The following MUTYH variants were observed in gnomAD, a reference collection of about 807,000 sequenced individuals.
MUTYH encodes the protein adenine DNA glycosylase.
A neutral mutation model predicts 72.9 loss-of-function variants in MUTYH; 64 were observed. The ratio of observed to expected loss-of-function variants is 0.88; its 90% confidence interval spans 0.72 to 1.08. The LOEUF is 1.08. Among genes scored for constraint, MUTYH ranks in the 50% least tolerant of loss-of-function variants. The probability of loss-of-function intolerance (pLI) is 0.00; values close to 1 mark genes in which losing one functional copy is unlikely to be tolerated. For synonymous variants in MUTYH, 234 were observed against 263.1 expected (o/e 0.89, Z 1.07); for missense variants, 633 against 671.0 (o/e 0.94, Z 0.63).
chr1:45,339,808 C>T (rs1646683354), intron 1 of MUTYH, 91 bp downstream of exon 1: 1 of 1,299,236 alleles, frequency 7.7e-7, no homozygotes, highest in Non-Finnish European at 1.0e-6. Flanking sequence ...CGACCCTCTC[C>T]TAGTCTAACT....
In MUTYH at chr1:45,334,475, C is replaced by G; in HGVS notation, c.31G>C (p.Gly11Arg). ...TGGCTGGCTGCCTGCTTCCTGTGAC[C>G]ACTTCCCACGGCTGCTCGTGGCTTC... MRKPRAAVGSGHRKQAASQEG... is the reference protein window; with the variant it reads MRKPRAAVGSRHRKQAASQEG... Residue 11 changes from glycine to arginine, a missense_variant, in exon 2 of 16, where the codon GGT (glycine) becomes CGT (arginine). Physicochemically the swap from Gly to Arg is moderately radical, Grantham distance 125. Coordinates refer to ENST00000456914, the MANE Select transcript of MUTYH (RefSeq NM_001048174.2). 6.2e-7 allele frequency: 1 copy of G among 1,614,128 alleles called. No homozygotes were observed. Among genetic ancestry groups the G allele is most frequent in the Non-Finnish European group, 8.5e-7 (1 of 1,180,014 alleles).
rs534010336 is a variant in MUTYH at position 45,333,327 on chromosome 1, G to C, written c.265-3C>G. On this transcript the variant is annotated splice_polypyrimidine_tract_variant and splice_region_variant and intron_variant, in intron 3 of 15. Coordinates refer to ENST00000456914, the MANE Select transcript of MUTYH (RefSeq NM_001048174.2). ...TCCAGGTCCATCTCATCTTCTGCCT[G>C]TCAATGCAACCCCAGATGAGGAGTT... is the stretch of plus-strand genomic sequence containing the variant. The C allele has an allele frequency of 1.2e-6, 2 of 1,614,258 alleles. No individual in the cohort carries two copies. Among genetic ancestry groups the C allele is most frequent in the East Asian group, 2.2e-5 (1 of 44,892 alleles).
intron 15 of MUTYH, 92 bp from the exon 16 acceptor site, chr1:45,329,529 C>T (rs1644412856): frequency 2.6e-6 from 4 of 1,519,504 alleles, no homozygotes; most frequent in Non-Finnish European, 3.6e-6. Context: ...CCCGACTCTA[C>T]TGATCTAGCT....
chr1:45,331,187 T>C lies in MUTYH; in HGVS notation c.1387A>G (p.Lys463Glu), dbSNP rs876660774. The C allele has an allele frequency of 6.2e-7, 1 of 1,614,246 alleles. No homozygotes were observed. The highest frequency in any genetic ancestry group is 8.5e-7 in the Non-Finnish European group (1 of 1,180,048). Residue 463 changes from lysine (K) to glutamate (E), a missense_variant, in exon 14 of 16, where the codon AAA becomes GAA. Transcript: ENST00000456914. ...AAAGACAACAAAGGTAGTGCCTTTT[T>C]CATGGCGGTGGAAACAGCTGCGGTG... ...FHTAAVSTAM[K>E]KVFRVYQGQQ...
upstream of MUTYH, chr1:45,340,286 G>GT: frequency 6.2e-7 from 1 of 1,613,440 alleles, no homozygotes; most frequent in Non-Finnish European, 8.5e-7. Context: ...CGCAGTTTCA[G>GT]CTCCCGCAGC....
chr1:45,329,416 A>G lies in MUTYH; in HGVS notation c.1456T>C (p.Ser486Pro). The change falls in exon 16 of 16, where the codon TCC becomes CCC. Residue 486 changes from serine to proline, a missense_variant. By Grantham distance (74) the Ser-to-Pro change is moderately conservative. Transcript: ENST00000456914. ...TCMGSKRSQVSSPCSRKKPRM... is the reference protein window; with the variant it reads ...TCMGSKRSQVPSPCSRKKPRM... Reference sequence around the variant, plus strand: ...GGCTTTTTCCGACTGCACGGAGAGGACACCTGGGACCTTTTGGAACCCTGT... The same window carrying G: ...GGCTTTTTCCGACTGCACGGAGAGGGCACCTGGGACCTTTTGGAACCCTGT... The G allele has an allele frequency of 1.2e-6, 2 of 1,614,034 alleles. No individual in the cohort carries two copies. The highest frequency in any genetic ancestry group is 2.2e-5 in the South Asian group (2 of 91,070).
In MUTYH at chr1:45,334,582, T is replaced by C. The variant is rs896722216; in HGVS notation, c.-6-71A>G. On this transcript the variant is annotated intron_variant, in intron 1 of 15. Transcript: ENST00000456914. ...AAATTTTGAGGCCTTCCAAGGGTGATAGCTATCTCCCTCTCATCCACCATT... is the reference window on the plus strand; with the variant it reads ...AAATTTTGAGGCCTTCCAAGGGTGACAGCTATCTCCCTCTCATCCACCATT... 3.7e-6 allele frequency: 6 copies of C among 1,600,770 alleles called. No individual in the cohort carries two copies. The South Asian group carries it at 4.4e-5, about 12-fold the overall frequency.
rs878854194 is a variant in MUTYH, at chr1:45,332,306, G to C, written c.709C>G (p.Leu237Val). Residue 237 changes from leucine to valine, a missense_variant, in exon 10 of 16, where the codon CTA (leucine) becomes GTA (valine). Leu to Val is a conservative substitution (Grantham distance 32, BLOSUM62 1). Coordinates refer to ENST00000456914, the MANE Select transcript of MUTYH (RefSeq NM_001048174.2). ...STLVSQQLWG[L>V]AQQLVDPARP... Reference sequence around the variant, plus strand: ...GCTGGGTCCACCAGCTGCTGGGCTAGACCCCTAAAAGAAGGGAACACTGCT... The same window carrying C: ...GCTGGGTCCACCAGCTGCTGGGCTACACCCCTAAAAGAAGGGAACACTGCT... 6.2e-7 allele frequency: 1 copy of C among 1,614,084 alleles called. No homozygotes were observed. The highest frequency in any genetic ancestry group is 2.2e-5 in the East Asian group (1 of 44,882).
intron 15 of MUTYH, chr1:45,330,170 T>C (rs559847870): frequency 2.1e-5 from 5 of 241,360 alleles, no homozygotes; most frequent in East Asian, 8.7e-5. Flanking sequence ...TTGTGGGAGA[T>C]TGCAGTGAGC....
chr1:45,333,685 T>G (rs1645413624), intron 2 of MUTYH, 124 bp from the exon 3 acceptor site: 9 of 1,412,048 alleles, frequency 6.4e-6, no homozygotes, highest in Non-Finnish European at 8.5e-6. Context: ...CCCCTTAAGC[T>G]TTGGAGCTGG....
intron 14 of MUTYH, 55 bp from the exon 15 acceptor site, chr1:45,330,612 C>G (rs905653570): frequency 3.2e-6 from 5 of 1,555,476 alleles, no homozygotes; most frequent in Non-Finnish European, 4.4e-6. Flanking sequence ...AGAGATAAAC[C>G]GGTGTTCTGC....
rs1234818144 is a variant in MUTYH at position 45,335,160 on chromosome 1, C to G, written c.-6-649G>C. Among the ~76,000 whole-genome samples the G allele has an allele frequency of 3.9e-5, 6 of 152,132 alleles. No individual in the cohort carries two copies. The South Asian group carries it at 6.2e-4, about 16-fold the overall frequency. On this transcript the variant is annotated intron_variant, in intron 1 of 15. Transcript: ENST00000456914. ...GTTATAATGGCCGCCTTTTCTCTAA[C>G]AGCTAAAATTAGTTGATATTTTGTG...
In MUTYH at chr1:45,338,752, TTTG is replaced by T. The variant is rs796208598; in HGVS notation, c.-7+1144_-7+1146del. Reference sequence around the variant, plus strand: ...AGAGTTTTTTTATTTTTGTTTTTTTTTTGTTTGTTTGTTTTGTTTTTAGAGACA... The same window carrying T: ...AGAGTTTTTTTATTTTTGTTTTTTTTTTTGTTTGTTTTGTTTTTAGAGACA... On this transcript the variant is annotated intron_variant, in intron 1 of 15. Transcript: ENST00000456914. 38 of 83,850 alleles carry T rather than the reference TTTG, an allele frequency of 4.5e-4. 1 individual carries two copies. The highest frequency in any genetic ancestry group is 4.5e-3 in the Middle Eastern group (1 of 224). The allele number at this position is 83,850 out of a possible 1,614,324, so 5.2% of individuals were successfully genotyped here.
In MUTYH at chr1:45,333,616, G is replaced by A. The variant is rs1316542179; in HGVS notation, c.116-55C>T. ...ATCCCTGCACAGGCTGTGCATCAGG[G>A]TCTTGGGACACAGCAGCCTGTGGCA... On this transcript the variant is annotated intron_variant, in intron 2 of 15. Transcript: ENST00000456914. 19 of 1,597,588 alleles carry A rather than the reference G, an allele frequency of 1.2e-5. No homozygotes were observed. The Middle Eastern group carries it at 6.1e-4, about 51-fold the overall frequency.
intron 1 of MUTYH, 117 bp downstream of exon 1, chr1:45,339,782 C>T (rs939297908): frequency 4.4e-5 from 53 of 1,214,238 alleles, no homozygotes; most frequent in African/African-American, 1.6e-5. Context: ...CCCAGAACGC[C>T]CTTCTTTCCC....
intron 14 of MUTYH, 40 bp downstream of exon 14, chr1:45,331,142 G>A (rs1236563579): frequency 2.5e-6 from 4 of 1,612,492 alleles, no homozygotes; most frequent in Non-Finnish European, 2.5e-6. Flanking sequence ...GAACATGTAG[G>A]AAACACAAGG....
At position 45,331,644 on chromosome 1, in the gene MUTYH, GC is replaced by G. The variant is rs1267865307; in HGVS notation, c.1102+16del. ...TGTTACTCATGCCACTGCCCTCCAC[GC>G]CCAGTATCCAGGTACCTGAGTTGGG... On this transcript the variant is annotated intron_variant, in intron 12 of 15. Transcript: ENST00000456914. The G allele has an allele frequency of 6.2e-7, 1 of 1,613,404 alleles. No homozygotes were observed. The highest frequency in any genetic ancestry group is 8.5e-7 in the Non-Finnish European group (1 of 1,180,030).
At chr1:45,338,343 C>T (rs910252391) in intron 1 of MUTYH, 24 of 507,280 alleles carry the variant, frequency 4.7e-5, no homozygotes, top group Admixed American at 2.1e-4. Flanking sequence ...TTAAACACCT[C>T]AAGTGTGTCT....
chr1:45,333,231 C>T, intron 4 of MUTYH, 54 bp downstream of exon 4: 1 of 1,614,178 alleles, frequency 6.2e-7, no homozygotes. Context: ...CCCACAGCCC[C>T]CAGACCCAAG....
Sources: allele counts gnomAD v4.1 joint callset (sites outside exome capture counted in the v4.1 genomes callset), GRCh38; gene constraint gnomAD v4.1.1; transcripts MANE v1.5; gene names NCBI Gene and HGNC (gene_info 2026-07-23, HGNC 2026-07-21).